Variants in UTRN observed in about 807,000 individuals in gnomAD.
UTRN encodes dystrophin-related protein 1.
A neutral mutation model predicts 463.9 loss-of-function variants in UTRN; 283 were observed. That is an observed-to-expected ratio of 0.61 (90% CI 0.55 to 0.67). UTRN has a LOEUF of 0.67. Ranked by LOEUF, UTRN falls within the 30% of genes least tolerant of loss-of-function variation. The pLI is 0.00. For synonymous variants in UTRN, 1,442 were observed against 1,431.5 expected (o/e 1.01, Z -0.17); for missense variants, 3,922 against 4,084.3 (o/e 0.96, Z 1.08).
intron 54 of UTRN, among the ~76,000 whole-genome samples, chr6:144,743,545 A>G (rs1482211342): frequency 6.6e-6 from 1 of 152,192 alleles, no homozygotes; most frequent in African/African-American, 2.4e-5. Flanking sequence ...TAGCATGAGA[A>G]AATAGGGTTT....
intron 51 of UTRN, among the ~76,000 whole-genome samples, chr6:144,588,148 A>T (rs1802653486): frequency 6.6e-6 from 1 of 152,066 alleles, no homozygotes; most frequent in Non-Finnish European, 1.5e-5. Context: ...GTGAGACGGG[A>T]TCAAGGAGAA....
rs1562966876 is a variant in UTRN, at chr6:144,835,913, A to G, written c.9799A>G (p.Ile3267Val). The G allele has an allele frequency of 1.2e-6, 2 of 1,614,116 alleles. No individual in the cohort carries two copies. The highest frequency in any genetic ancestry group is 2.2e-5 in the East Asian group (1 of 44,860). ...REERGELERI[I>V]ADLEEEQRNL... ...AGAACGTGGAGAACTGGAGAGGATC[A>G]TTGCTGACCTGGAGGAAGAACAAAG... The change falls in exon 70 of 75, where the codon ATT (isoleucine) becomes GTT (valine). Residue 3267 changes from isoleucine (I) to valine (V), a missense_variant. By Grantham distance (29) the Ile-to-Val change is conservative. Coordinates refer to ENST00000367545, the MANE Select transcript of UTRN (RefSeq NM_007124.3).
chr6:144,449,274 A>G lies in UTRN; in HGVS notation c.2072+505A>G, dbSNP rs1018682991. Reference sequence around the variant, plus strand: ...GTTTGCCTTAAAATGGACTACCCCAATAATCGAGGGCCTTAAATGACTGCT... The same window carrying G: ...GTTTGCCTTAAAATGGACTACCCCAGTAATCGAGGGCCTTAAATGACTGCT... On this transcript the variant is annotated intron_variant, in intron 17 of 74. Transcript: ENST00000367545. Among the ~76,000 whole-genome samples, 18 of 152,170 alleles carry G rather than the reference A, an allele frequency of 1.2e-4. 1 individual carries two copies. The highest frequency in any genetic ancestry group is 5.9e-5 in the Non-Finnish European group (4 of 68,016).
At chr6:144,419,013 TATATA>T (rs1282640342) in intron 3 of UTRN, among the ~76,000 whole-genome samples, 2 of 152,208 alleles carry the variant, frequency 1.3e-5, no homozygotes, top group African/African-American at 4.8e-5. Context: ...GCGCTTTACC[TATATA>T]ATATATTTTT....
intron 54 of UTRN, among the ~76,000 whole-genome samples, chr6:144,738,098 G>A (rs1158109977): frequency 1.3e-5 from 2 of 152,202 alleles, no homozygotes; most frequent in African/African-American, 4.8e-5. Context: ...CTATGACAAT[G>A]ACTTCCTTAA....
chr6:144,689,601 C>A (rs1783111913), intron 52 of UTRN, among the ~76,000 whole-genome samples: 1 of 152,156 alleles, frequency 6.6e-6, no homozygotes, highest in African/African-American at 2.4e-5. Flanking sequence ...TGCCACAGTC[C>A]AGGCTGGTGC....
chr6:144,527,342 T>C (rs933448684), intron 41 of UTRN, among the ~76,000 whole-genome samples: 2 of 152,244 alleles, frequency 1.3e-5, no homozygotes, highest in East Asian at 1.9e-4. Flanking sequence ...TTCTAGCTTA[T>C]AAGGTTTCTG....
chr6:144,650,431 A>G (rs770183279), intron 51 of UTRN, among the ~76,000 whole-genome samples: 1 of 152,204 alleles, frequency 6.6e-6, no homozygotes, highest in Non-Finnish European at 1.5e-5. Context: ...TAAAGTTTCA[A>G]AGTTGTTTGA....
rs911849671 is a variant in UTRN, at chr6:144,687,970, C to T, written c.7652+9392C>T. Among the ~76,000 whole-genome samples the T allele has an allele frequency of 7.2e-5, 11 of 152,258 alleles. No homozygotes were observed. The South Asian group carries it at 1.0e-3, about 14-fold the overall frequency. ...CAAAACTATTTGGTTTTTCTTCTCC[C>T]TCAGGAACACCAGTGATTCTTAGAT... On this transcript the variant is annotated intron_variant, in intron 52 of 74. Coordinates refer to ENST00000367545, the MANE Select transcript of UTRN (RefSeq NM_007124.3).
At chr6:144,715,285 G>GT (rs1786273821) in intron 53 of UTRN, among the ~76,000 whole-genome samples, 1 of 152,200 alleles carries the variant, frequency 6.6e-6, no homozygotes, top group African/African-American at 2.4e-5. Context: ...TTTTCAGTCT[G>GT]TTAGGAAATC....
At chr6:144,346,914 T>TATCTATCTATC (rs1562275427) in intron 2 of UTRN, among the ~76,000 whole-genome samples, 73 of 149,860 alleles carry the variant, frequency 4.9e-4, no homozygotes, top group African/African-American at 1.7e-3. Context: ...ATCATCTATC[T>TATCTATCTATC]ATCTATCGAT....
At chr6:144,615,507 A>T (rs894521269) in intron 51 of UTRN, among the ~76,000 whole-genome samples, 2 of 152,120 alleles carry the variant, frequency 1.3e-5, no homozygotes, top group African/African-American at 2.4e-5. Flanking sequence ...GATACCCTTT[A>T]GGACTTTTTC....
chr6:144,827,985 C>T (rs745470290), intron 68 of UTRN, among the ~76,000 whole-genome samples: 13 of 152,022 alleles, frequency 8.6e-5, no homozygotes, highest in Non-Finnish European at 1.5e-4. Context: ...AGTGGGATTG[C>T]AGGTATTCTC....
At chr6:144,316,511 G>T (rs1397901545) in intron 2 of UTRN, among the ~76,000 whole-genome samples, 2 of 152,210 alleles carry the variant, frequency 1.3e-5, no homozygotes, top group African/African-American at 4.8e-5. Flanking sequence ...GGGTTCAGGA[G>T]TCTTAGCCAA....
At chr6:144,404,294 T>C (rs1048393560) in intron 3 of UTRN, among the ~76,000 whole-genome samples, 1 of 152,230 alleles carries the variant, frequency 6.6e-6, no homozygotes, top group Non-Finnish European at 1.5e-5. Flanking sequence ...TTGGCAGTTA[T>C]ATGTGTAGGA....
intron 52 of UTRN, among the ~76,000 whole-genome samples, chr6:144,695,294 G>A (rs1783876571): frequency 6.6e-6 from 1 of 151,958 alleles, no homozygotes; most frequent in South Asian, 2.1e-4. Context: ...CAATACCATA[G>A]GTTAATATCT....
At chr6:144,374,600 C>T (rs1780283149) in intron 2 of UTRN, among the ~76,000 whole-genome samples, 1 of 151,620 alleles carries the variant, frequency 6.6e-6, no homozygotes, top group African/African-American at 2.4e-5. Flanking sequence ...TCTCTTGCCT[C>T]AGCTCCCAGA....
chr6:144,495,228 C>T (rs972769290), intron 33 of UTRN, among the ~76,000 whole-genome samples: 1 of 152,134 alleles, frequency 6.6e-6, no homozygotes, highest in South Asian at 2.1e-4. Context: ...GCTCCGGCCG[C>T]ACAGGAGCCC....
rs893448316 is a variant in UTRN at position 144,744,469 on chromosome 6, A to G, written c.7940-3777A>G. 2.7e-5 allele frequency among the ~76,000 whole-genome samples: 4 copies of G among 147,534 alleles called. No individual in the cohort carries two copies. In the South Asian group the frequency reaches 6.3e-4, roughly 23 times the overall value. ...GTATAATATATACATAATTTTACTT[A>G]TGTATATTATACATAAATATATATA... is the stretch of plus-strand genomic sequence containing the variant. On this transcript the variant is annotated intron_variant, in intron 54 of 74. Transcript: ENST00000367545.
Sources: gnomAD v4.1 joint callset for allele counts (sites outside exome capture counted in the v4.1 genomes callset) on GRCh38, gnomAD v4.1.1 for gene constraint, MANE v1.5 for transcripts, NCBI Gene and HGNC (gene_info 2026-07-23, HGNC 2026-07-21) for gene names.